The following WWC2 variants were observed in gnomAD, a reference collection of about 807,000 sequenced individuals.
WWC2 encodes the protein WW and C2 domain containing 2.
A neutral mutation model predicts 138.5 loss-of-function variants in WWC2; 101 were observed. The observed-to-expected ratio is 0.73, with a 90% CI of 0.62 to 0.86. The LOEUF is 0.86. Ranked by LOEUF, WWC2 falls within the 40% of genes least tolerant of loss-of-function variation. The pLI is 0.00. For synonymous variants in WWC2, 558 were observed against 538.4 expected (o/e 1.04, Z -0.50); for missense variants, 1,420 against 1,419.4 (o/e 1.00, Z -0.01).
intron 1 of WWC2, among the ~76,000 whole-genome samples, chr4:183,192,957 G>T (rs148461504): frequency 6.6e-6 from 1 of 152,118 alleles, no homozygotes; most frequent in Non-Finnish European, 1.5e-5. Context: ...CAGAGAAAGC[G>T]TCTTAAAGAA....
intron 1 of WWC2, among the ~76,000 whole-genome samples, chr4:183,121,997 G>A (rs763992302): frequency 2.0e-5 from 3 of 152,038 alleles, no homozygotes; most frequent in Admixed American, 1.3e-4. Flanking sequence ...GTGTTAGCCA[G>A]GATGGTCTCG....
At chr4:183,133,746 T>C (rs1404995499) in intron 1 of WWC2, among the ~76,000 whole-genome samples, 2 of 152,148 alleles carry the variant, frequency 1.3e-5, no homozygotes, top group Admixed American at 1.3e-4. Flanking sequence ...CTGCCCACCT[T>C]GGCCTCCCAA....
intron 16 of WWC2, among the ~76,000 whole-genome samples, chr4:183,272,308 A>G (rs367753800): frequency 4.6e-5 from 7 of 152,348 alleles, no homozygotes; most frequent in African/African-American, 1.7e-4. Flanking sequence ...GGCTTGTGAT[A>G]GACACTGAAC....
chr4:183,128,415 A>G (rs1020803032), intron 1 of WWC2, among the ~76,000 whole-genome samples: 3 of 151,998 alleles, frequency 2.0e-5, no homozygotes, highest in Admixed American at 6.6e-5. Context: ...TCAAGAGTTT[A>G]AGGTGGGGAG....
intron 20 of WWC2, among the ~76,000 whole-genome samples, chr4:183,287,525 A>G (rs1738300155): frequency 6.6e-6 from 1 of 152,202 alleles, no homozygotes; most frequent in Non-Finnish European, 1.5e-5. Flanking sequence ...TATTAGGACT[A>G]CTTGAAACAG....
At chr4:183,241,332 G>A (rs1273271952) in intron 5 of WWC2, among the ~76,000 whole-genome samples, 1 of 152,194 alleles carries the variant, frequency 6.6e-6, no homozygotes, top group Non-Finnish European at 1.5e-5. Context: ...CAAGCAGCAA[G>A]CCCCTTTAAA....
At chr4:183,130,831 T>A (rs1732903966) in intron 1 of WWC2, among the ~76,000 whole-genome samples, 1 of 152,182 alleles carries the variant, frequency 6.6e-6, no homozygotes, top group East Asian at 1.9e-4. Flanking sequence ...TCTAGTCACA[T>A]TGGGCATTCT....
chr4:183,206,565 T>C (rs1300825851), intron 2 of WWC2, among the ~76,000 whole-genome samples: 1 of 152,246 alleles, frequency 6.6e-6, no homozygotes, highest in Non-Finnish European at 1.5e-5. Flanking sequence ...ACAAATATTT[T>C]AGAAGTGAAC....
At chr4:183,234,057 A>G (rs1736339326) in intron 4 of WWC2, 1 of 152,216 alleles carries the variant, frequency 6.6e-6, no homozygotes, top group Admixed American at 6.5e-5. Flanking sequence ...TGATCTTTCT[A>G]AGGTCTACAG....
chr4:183,279,207 G>T (rs1737979580), intron 16 of WWC2, among the ~76,000 whole-genome samples: 1 of 151,974 alleles, frequency 6.6e-6, no homozygotes, highest in Admixed American at 6.6e-5. Context: ...TTTTGTCAAA[G>T]GCTTTTTCTG....
intron 1 of WWC2, among the ~76,000 whole-genome samples, chr4:183,147,474 G>A (rs1733494508): frequency 1.3e-5 from 2 of 152,216 alleles, no homozygotes; most frequent in East Asian, 1.9e-4. Context: ...TCAGTCATGG[G>A]TGAGAAGCAC....
In WWC2 at chr4:183,281,390, G is replaced by GAGGC. The variant is rs550918255; in HGVS notation, c.2684+496_2684+499dup. On this transcript the variant is annotated intron_variant, in intron 17 of 22. Transcript: ENST00000403733. ...TCCATACCCAATCCTTTAAAAAGGG[G>GAGGC]AGGCAGAGGGGGAAGTTATTACAGT... 7.0e-5 allele frequency: 11 copies of GAGGC among 156,676 alleles called. No individual in the cohort carries two copies. The East Asian group carries it at 2.1e-3, about 29-fold the overall frequency. The allele number at this position is 156,676 out of a possible 1,614,324, so 9.7% of individuals were successfully genotyped here.
At chr4:183,280,698 TA>T in intron 16 of WWC2, 77 bp from the exon 17 acceptor site, 1 of 1,458,372 alleles carries the variant, frequency 6.9e-7, no homozygotes, top group Non-Finnish European at 9.2e-7. Flanking sequence ...GATAGAAGTG[TA>T]AATTCCCATC....
chr4:183,203,385 T>A (rs1735356501), intron 2 of WWC2: 1 of 152,078 alleles, frequency 6.6e-6, no homozygotes, highest in Non-Finnish European at 1.5e-5. Flanking sequence ...CATATCATTT[T>A]GTTTTTTTCT....
At chr4:183,186,438 GTCC>G (rs1001134739) in intron 1 of WWC2, among the ~76,000 whole-genome samples, 2 of 152,158 alleles carry the variant, frequency 1.3e-5, no homozygotes, top group African/African-American at 4.8e-5. Context: ...GCCTCCTAAA[GTCC>G]TCCTGTTTAC....
chr4:183,272,467 A>T (rs752236064), intron 16 of WWC2, among the ~76,000 whole-genome samples: 64 of 152,238 alleles, frequency 4.2e-4, no homozygotes, highest in Non-Finnish European at 8.1e-4. Flanking sequence ...CAGTTTATCC[A>T]TTTGAAGCAC....
At position 183,218,346 on chromosome 4, in the gene WWC2, T is replaced by TA. The variant is rs997511338; in HGVS notation, c.522+9333dup. On this transcript the variant is annotated intron_variant, in intron 4 of 22. Coordinates refer to ENST00000403733, the MANE Select transcript of WWC2 (RefSeq NM_024949.6). ...CACACCTATTAGGAAAGCTATTACT[T>TA]AAAAAAAAAAAACAACTGACTAACA... Among the ~76,000 whole-genome samples, 1,210 of 143,758 alleles carry TA rather than the reference T, an allele frequency of 8.4e-3. 18 individuals carry two copies. The highest frequency in any genetic ancestry group is 0.025 in the African/African-American group (1,007 of 39,518). 94.3% of individuals were successfully genotyped at this position (143,758 alleles called of 152,430 possible).
At chr4:183,117,760 A>G (rs776716387) in intron 1 of WWC2, among the ~76,000 whole-genome samples, 2 of 145,784 alleles carry the variant, frequency 1.4e-5, no homozygotes, top group African/African-American at 2.5e-5. Context: ...GTGAGCCACC[A>G]TGCCCAGCCC....
intron 15 of WWC2, among the ~76,000 whole-genome samples, chr4:183,270,721 A>G (rs372549894): frequency 2.0e-5 from 3 of 152,240 alleles, no homozygotes; most frequent in South Asian, 4.1e-4. Flanking sequence ...CTGAGATCAC[A>G]CCACTGCACT....
Sources: gnomAD v4.1 joint callset for allele counts (sites outside exome capture counted in the v4.1 genomes callset) on GRCh38, gnomAD v4.1.1 for gene constraint, MANE v1.5 for transcripts, NCBI Gene and HGNC (gene_info 2026-07-23, HGNC 2026-07-21) for gene names.